The following FAM110C variants were observed in gnomAD, a reference collection of about 807,000 sequenced individuals.
FAM110C encodes the protein family with sequence similarity 110 member C.
In FAM110C, 19 loss-of-function variants were observed where a neutral mutation model predicts 15.7. That is an observed-to-expected ratio of 1.21 (90% CI 0.85 to 1.78). The LOEUF is 1.78. FAM110C is among the 40% of genes most tolerant of loss of function. The probability of loss-of-function intolerance (pLI) is 0.00; values close to 1 mark genes in which losing one functional copy is unlikely to be tolerated. For missense variants in FAM110C, 547 were observed against 495.7 expected, an observed-to-expected ratio of 1.10 and a Z score of -0.98; for synonymous variants, 275 against 233.9, an observed-to-expected ratio of 1.18 and a Z score of -1.61.
Position 45,821 on chromosome 2 carries a change from G to A in FAM110C, c.565C>T (p.Pro189Ser), listed in dbSNP as rs750826407. 1.3e-6 allele frequency: 2 copies of A among 1,544,610 alleles called. No individual in the cohort carries two copies. Among genetic ancestry groups the A allele is most frequent in the Admixed American group, 1.9e-5 (1 of 51,326 alleles). Residue 189 changes from proline (P) to serine (S), a missense_variant, in exon 1 of 2, where the codon CCG (proline) becomes TCG (serine). By Grantham distance (74) the Pro-to-Ser change is moderately conservative (BLOSUM62 -1). Transcript: ENST00000327669. ...AGCCCCCGACGCCTCACCACCCGCG[G>A]CTCTGGCCCAGGGGGCGCGGCCGGG... Reference protein sequence around the residue: ...SVPAAPPGPEPRVVRRRGLQR... With the variant: ...SVPAAPPGPESRVVRRRGLQR...
At position 46,145 on chromosome 2, in the gene FAM110C, C is replaced by A. The variant is rs202148051; in HGVS notation, c.241G>T (p.Ala81Ser). The change falls in exon 1 of 2, where the codon GCC (alanine) becomes TCC (serine). Residue 81 changes from alanine (A) to serine (S), a missense_variant. Physicochemically the swap from Ala to Ser is moderately conservative, Grantham distance 99. Transcript: ENST00000327669. ...GCCCTGCGCGCCACCGGGGCCGGGGCGCGGGCCGGGGGCCCAGGGTCGTTC... is the reference window on the plus strand; with the variant it reads ...GCCCTGCGCGCCACCGGGGCCGGGGAGCGGGCCGGGGGCCCAGGGTCGTTC... Reference protein sequence around the residue: ...PGNDPGPPARAPAPVARRAIA... With the variant: ...PGNDPGPPARSPAPVARRAIA... 8 of 1,431,272 alleles carry A rather than the reference C, an allele frequency of 5.6e-6. No homozygotes were observed. Among genetic ancestry groups the A allele is most frequent in the Non-Finnish European group, 7.3e-6 (8 of 1,099,140 alleles). The allele number at this position is 1,431,272 out of a possible 1,614,324, so 88.7% of individuals were successfully genotyped here.
rs1664059158 is a variant in FAM110C, at chr2:39,088, G to A, written c.*2520C>T. ...ATGTTTAATTACATTTTGAAAAATTGTCGTTCTTTCATGAACAAATAAAAG... is the reference window on the plus strand; with the variant it reads ...ATGTTTAATTACATTTTGAAAAATTATCGTTCTTTCATGAACAAATAAAAG... On this transcript the variant is annotated 3_prime_UTR_variant, in exon 2 of 2. Transcript: ENST00000327669. 6.6e-6 allele frequency: 1 copy of A among 152,080 alleles called. No individual in the cohort carries two copies. Among genetic ancestry groups the A allele is most frequent in the South Asian group, 2.1e-4 (1 of 4,832 alleles). The allele number at this position is 152,080 out of a possible 1,614,324, so 9.4% of individuals were successfully genotyped here. A position where few individuals can be genotyped will look rare whatever the true frequency, so the allele number is the denominator to read the frequency against.
chr2:46,234 C>T lies in FAM110C; in HGVS notation c.152G>A (p.Arg51Gln). Residue 51 changes from arginine (R) to glutamine (Q), a missense_variant, in exon 1 of 2, where the codon CGG becomes CAG. By Grantham distance (43) the Arg-to-Gln change is conservative. Transcript: ENST00000327669. ...AADRAKYVRGRPGTGRGVASE... is the reference protein window; with the variant it reads ...AADRAKYVRGQPGTGRGVASE... ...AGCGACGCCCCGGCCAGTCCCCGGC[C>T]GACCCCGCACATACTTGGCGCGATC... 4 of 1,401,768 alleles carry T rather than the reference C, an allele frequency of 2.9e-6. No individual in the cohort carries two copies. Among genetic ancestry groups the T allele is most frequent in the Non-Finnish European group, 3.7e-6 (4 of 1,081,576 alleles). The allele number at this position is 1,401,768 out of a possible 1,614,324, so 86.8% of individuals were successfully genotyped here.
rs538385119 is a variant in FAM110C at position 42,980 on chromosome 2, C to A, written c.947-1353G>T. 1.2e-5 allele frequency: 12 copies of A among 985,428 alleles called. No homozygotes were observed. In the East Asian group the frequency reaches 1.4e-3, roughly 112 times the overall value. The allele number at this position is 985,428 out of a possible 1,614,324, so 61.0% of individuals were successfully genotyped here. ...GAAGTCAGAGGACCGCCCCACTGAC[C>A]AGGTGTTCACACTCTGTCGTGGCTT... is the stretch of plus-strand genomic sequence containing the variant. On this transcript the variant is annotated intron_variant, in intron 1 of 1. Coordinates refer to ENST00000327669, the MANE Select transcript of FAM110C (RefSeq NM_001077710.3).
At chr2:41,675 A>C in intron 1 of FAM110C, 48 bp from the exon 2 acceptor site, 1 of 1,611,514 alleles carries the variant, frequency 6.2e-7, no homozygotes. Flanking sequence ...TCTAGACAAA[A>C]GTTAGTATAA....
intron 1 of FAM110C, 35 bp downstream of exon 1, chr2:45,405 C>G (rs1321922512): frequency 6.4e-7 from 1 of 1,574,040 alleles, no homozygotes; most frequent in Admixed American, 1.8e-5. Flanking sequence ...GCCCCGCACA[C>G]GGCCAGCCCC....
chr2:43,444 C>A (rs1418086191), intron 1 of FAM110C: 1 of 985,326 alleles, frequency 1.0e-6, no homozygotes, highest in Non-Finnish European at 1.2e-6. Context: ...CCTTCCCAAA[C>A]CTGCTCTCAC....
At chr2:43,144 T>C in intron 1 of FAM110C, 6 of 985,442 alleles carry the variant, frequency 6.1e-6, no homozygotes, top group Non-Finnish European at 7.2e-6. Flanking sequence ...ACCCCACCCC[T>C]GGTAGCCGGG....
At chr2:43,613 T>C (rs1664187265) in intron 1 of FAM110C, 7 of 985,456 alleles carry the variant, frequency 7.1e-6, no homozygotes, top group Non-Finnish European at 8.4e-6. Context: ...CTTTTGACAT[T>C]GGCTAATTCG....
At position 39,105 on chromosome 2, in the gene FAM110C, A is replaced by C. The variant is rs748083592; in HGVS notation, c.*2503T>G. On this transcript the variant is annotated 3_prime_UTR_variant, in exon 2 of 2. Transcript: ENST00000327669. ...GAAAAATTGTCGTTCTTTCATGAAC[A>C]AATAAAAGTACCTTGCAGCCGTCAC... is the stretch of plus-strand genomic sequence containing the variant. 9 of 152,368 alleles carry C rather than the reference A, an allele frequency of 5.9e-5. No homozygotes were observed. Among genetic ancestry groups the C allele is most frequent in the Non-Finnish European group, 1.3e-4 (9 of 68,038 alleles). The allele number at this position is 152,368 out of a possible 1,614,324, so 9.4% of individuals were successfully genotyped here. A position where few individuals can be genotyped will look rare whatever the true frequency, so the allele number is the denominator to read the frequency against.
intron 1 of FAM110C, chr2:44,612 A>C (rs1469849990): frequency 1.0e-6 from 1 of 985,320 alleles, no homozygotes; most frequent in Non-Finnish European, 1.2e-6. Flanking sequence ...ACTTTCCAAG[A>C]CGCCCATAGG....
rs758372468 is a variant in FAM110C at position 45,979 on chromosome 2, G to A, written c.407C>T (p.Pro136Leu). Residue 136 changes from proline to leucine, a missense_variant, in exon 1 of 2, where the codon CCG (proline) becomes CTG (leucine). By Grantham distance (98) the Pro-to-Leu change is moderately conservative. Transcript: ENST00000327669. Reference protein sequence around the residue: ...LFQGPGKDKAPVPRTGDEGKA... With the variant: ...LFQGPGKDKALVPRTGDEGKA... ...GCCCTCGTCTCCCGTCCGGGGCACC[G>A]GCGCCTTGTCCTTACCCGGCCCCTG... is the stretch of plus-strand genomic sequence containing the variant. 5 of 1,460,018 alleles carry A rather than the reference G, an allele frequency of 3.4e-6. No homozygotes were observed. The African/African-American group carries it at 5.9e-5, about 17-fold the overall frequency. The allele number at this position is 1,460,018 out of a possible 1,614,324, so 90.4% of individuals were successfully genotyped here.
At chr2:43,523 T>G in intron 1 of FAM110C, 1 of 985,420 alleles carries the variant, frequency 1.0e-6, no homozygotes, top group Non-Finnish European at 1.2e-6. Flanking sequence ...ACTAAACTTC[T>G]TATATTTTTC....
In FAM110C at chr2:41,421, A is replaced by C. The variant is rs1664121579; in HGVS notation, c.*187T>G. ...CACCTCTTGGAGTTTCAGCTGTTAC[A>C]ACTCAGCTAAATTTCAAGGTCTGTG... On this transcript the variant is annotated 3_prime_UTR_variant, in exon 2 of 2. Transcript: ENST00000327669. The C allele has an allele frequency of 1.8e-6, 1 of 549,002 alleles. No homozygotes were observed. Among genetic ancestry groups the C allele is most frequent in the Admixed American group, 3.8e-5 (1 of 26,054 alleles). 34.0% of individuals were successfully genotyped at this position (549,002 alleles called of 1,614,324 possible). A position where few individuals can be genotyped will look rare whatever the true frequency, so the allele number is the denominator to read the frequency against.
At chr2:42,802 A>G in intron 1 of FAM110C, 1 of 984,172 alleles carries the variant, frequency 1.0e-6, no homozygotes, top group Non-Finnish European at 1.2e-6. Context: ...TCACTTAGAA[A>G]ACCTACCTTT....
At position 46,140 on chromosome 2, in the gene FAM110C, C is replaced by T. The variant is rs988420460; in HGVS notation, c.246G>A (p.Pro82=). The change falls in exon 1 of 2, where the codon CCG becomes CCA. Residue 82 remains proline (P), a synonymous_variant. Transcript: ENST00000327669. ...GNDPGPPARA[P]APVARRAIAR... is the part of the protein sequence containing the mutation. Reference sequence around the variant, plus strand: ...CAATAGCCCTGCGCGCCACCGGGGCCGGGGCGCGGGCCGGGGGCCCAGGGT... The same window carrying T: ...CAATAGCCCTGCGCGCCACCGGGGCTGGGGCGCGGGCCGGGGGCCCAGGGT... 4 of 1,432,032 alleles carry T rather than the reference C, an allele frequency of 2.8e-6. No individual in the cohort carries two copies. The highest frequency in any genetic ancestry group is 1.5e-5 in the South Asian group (1 of 67,778). The allele number at this position is 1,432,032 out of a possible 1,614,324, so 88.7% of individuals were successfully genotyped here. A position where few individuals can be genotyped will look rare whatever the true frequency, so the allele number is the denominator to read the frequency against.
intron 1 of FAM110C, chr2:44,735 G>A: frequency 1.0e-6 from 1 of 985,424 alleles, no homozygotes; most frequent in Non-Finnish European, 1.2e-6. Flanking sequence ...ACTTCCTGTA[G>A]TGTCATCAGA....
chr2:41,460 T>A lies in FAM110C; in HGVS notation c.*148A>T, dbSNP rs1200353132. The A allele has an allele frequency of 2.5e-6, 2 of 804,302 alleles. No individual in the cohort carries two copies. The highest frequency in any genetic ancestry group is 3.9e-6 in the Non-Finnish European group (2 of 515,254). The allele number at this position is 804,302 out of a possible 1,614,324, so 49.8% of individuals were successfully genotyped here. ...TCAAGGTCTGTGTTCCCATATTCTCTGTAGTATTTTAAACCTTCTCAGAGC... is the reference window on the plus strand; with the variant it reads ...TCAAGGTCTGTGTTCCCATATTCTCAGTAGTATTTTAAACCTTCTCAGAGC... On this transcript the variant is annotated 3_prime_UTR_variant, in exon 2 of 2. Coordinates refer to ENST00000327669, the MANE Select transcript of FAM110C (RefSeq NM_001077710.3).
Position 45,999 on chromosome 2 carries a change from C to A in FAM110C, c.387G>T (p.Gly129=). ...RASLVKKLFQ[G]PGKDKAPVPR... ...GCACCGGCGCCTTGTCCTTACCCGG[C>A]CCCTGGAAGAGCTTCTTCACCAGGC... Residue 129 remains glycine, a synonymous_variant, in exon 1 of 2, where the codon GGG becomes GGT. Transcript: ENST00000327669. 1 of 1,470,642 alleles carries A rather than the reference C, an allele frequency of 6.8e-7. No homozygotes were observed. Among genetic ancestry groups the A allele is most frequent in the Non-Finnish European group, 9.0e-7 (1 of 1,116,912 alleles). The allele number at this position is 1,470,642 out of a possible 1,614,324, so 91.1% of individuals were successfully genotyped here.
Sources: gnomAD v4.1 joint callset for allele counts on GRCh38, gnomAD v4.1.1 for gene constraint, MANE v1.5 for transcripts, NCBI Gene and HGNC (gene_info 2026-07-23, HGNC 2026-07-21) for gene names.